The following GSE1 variants were observed in gnomAD, a reference collection of about 807,000 sequenced individuals.
GSE1 encodes the protein Gse1 coiled-coil protein, also known as genetic suppressor element 1.
A neutral mutation model predicts 112.6 loss-of-function variants in GSE1; 32 were observed. That is an observed-to-expected ratio of 0.28 (90% CI 0.21 to 0.38). The LOEUF (loss-of-function observed/expected upper bound fraction) is 0.38, where lower values mean the gene tolerates loss of function less well. Among genes scored for constraint, GSE1 ranks in the 10% least tolerant of loss-of-function variants. GSE1 has a pLI of 1.00. For missense variants in GSE1, 2,348 were observed against 1,699.2 expected, an observed-to-expected ratio of 1.38 and a Z score of -6.71; for synonymous variants, 1,115 against 735.6, an observed-to-expected ratio of 1.52 and a Z score of -8.35.
At chr16:85,624,265 C>T (rs1271689347) in intron 1 of GSE1, among the ~76,000 whole-genome samples, 4 of 152,210 alleles carry the variant, frequency 2.6e-5, no homozygotes, top group African/African-American at 7.2e-5. Flanking sequence ...TTCCTCTGCC[C>T]AGGGCCTCTG....
intron 13 of GSE1, among the ~76,000 whole-genome samples, chr16:85,667,402 C>T (rs778128088): frequency 2.0e-5 from 3 of 152,262 alleles, no homozygotes; most frequent in Non-Finnish European, 4.4e-5. Flanking sequence ...TGTCACCCAC[C>T]AGGCCACGCC....
At chr16:85,392,938 T>G (rs997984398) in intron 2 of GSE1, among the ~76,000 whole-genome samples, 1 of 152,240 alleles carries the variant, frequency 6.6e-6, no homozygotes, top group Non-Finnish European at 1.5e-5. Flanking sequence ...GGGGTCCCAA[T>G]GTGGCTGAGG....
chr16:85,554,247 A>C (rs1278314673), upstream of GSE1, among the ~76,000 whole-genome samples: 1 of 152,172 alleles, frequency 6.6e-6, no homozygotes. Context: ...GTTTGGCGGC[A>C]GGGTTTTTTC....
At chr16:85,541,535 C>A (rs933251954) in intron 2 of GSE1, among the ~76,000 whole-genome samples, 1 of 152,252 alleles carries the variant, frequency 6.6e-6, no homozygotes, top group African/African-American at 2.4e-5. Context: ...CACTGTCCCC[C>A]ACTTCTTGCC....
chr16:85,322,159 G>C (rs966282437), intron 1 of GSE1, among the ~76,000 whole-genome samples: 3 of 152,242 alleles, frequency 2.0e-5, no homozygotes, highest in Non-Finnish European at 4.4e-5. Flanking sequence ...TTGTTTCCAA[G>C]TTCAACATTC....
chr16:85,509,044 G>A lies in GSE1; in HGVS notation c.2465-124870G>A, dbSNP rs538618422. ...CAGCAGGGAGAGGGACTTGAACCAG[G>A]ACCTGAGGAAGAGGAGGGATCCAGG... On this transcript the variant is annotated intron_variant, in intron 2 of 2. Coordinates refer to the GSE1 transcript ENST00000637419. 3.3e-5 allele frequency among the ~76,000 whole-genome samples: 5 copies of A among 152,352 alleles called. No homozygotes were observed. In the South Asian group the frequency reaches 1.0e-3, roughly 32 times the overall value.
chr16:85,607,621 T>C (rs1046386869), upstream of GSE1, among the ~76,000 whole-genome samples: 6 of 152,110 alleles, frequency 3.9e-5, no homozygotes, highest in Non-Finnish European at 5.9e-5. Flanking sequence ...AGAGGTGACC[T>C]GGGCTACTGA....
At chr16:85,366,993 C>T (rs961323239) in intron 2 of GSE1, among the ~76,000 whole-genome samples, 14 of 152,092 alleles carry the variant, frequency 9.2e-5, no homozygotes, top group South Asian at 2.1e-4. Context: ...GGGACAGAGC[C>T]GTGTCACCAG....
intron 2 of GSE1, among the ~76,000 whole-genome samples, chr16:85,524,698 G>A (rs2052305814): frequency 6.6e-6 from 1 of 152,190 alleles, no homozygotes; most frequent in South Asian, 2.1e-4. Context: ...CTGAGGCCAG[G>A]CCTGTAATCA....
chr16:85,603,257 G>GA (rs890479990), intron 1 of GSE1, among the ~76,000 whole-genome samples: 45 of 152,344 alleles, frequency 3.0e-4, no homozygotes, highest in African/African-American at 1.1e-3. Context: ...GGTCCACAGA[G>GA]AGGGCACCGT....
chr16:85,619,592 C>T (rs1245338309), intron 1 of GSE1, among the ~76,000 whole-genome samples: 2 of 152,170 alleles, frequency 1.3e-5, no homozygotes, highest in African/African-American at 4.8e-5. Flanking sequence ...AGATGGTGTG[C>T]CGGCCAGGTC....
chr16:85,355,431 G>A (rs1597470957), intron 1 of GSE1, among the ~76,000 whole-genome samples: 2 of 152,274 alleles, frequency 1.3e-5, no homozygotes, highest in South Asian at 4.2e-4. Flanking sequence ...TGAAGCCTCT[G>A]GCCTGGGCTG....
chr16:85,309,400 A>G (rs1356793563), intron 1 of GSE1, among the ~76,000 whole-genome samples: 1 of 152,066 alleles, frequency 6.6e-6, no homozygotes, highest in African/African-American at 2.4e-5. Context: ...AGGCTGAGGC[A>G]GGAGGATCGC....
At chr16:85,262,752 G>A (rs1461519165) in intron 1 of GSE1, among the ~76,000 whole-genome samples, 1 of 152,208 alleles carries the variant, frequency 6.6e-6, no homozygotes, top group Non-Finnish European at 1.5e-5. Context: ...TTCCTCATCC[G>A]AAATTGGGTA....
intron 2 of GSE1, among the ~76,000 whole-genome samples, chr16:85,480,183 C>T (rs990829776): frequency 1.3e-5 from 2 of 152,226 alleles, no homozygotes; most frequent in African/African-American, 4.8e-5. Flanking sequence ...GCCTCAAGGG[C>T]CCCAGCCAGG....
At chr16:85,514,532 T>G (rs919471419) in intron 2 of GSE1, among the ~76,000 whole-genome samples, 13 of 150,594 alleles carry the variant, frequency 8.6e-5, no homozygotes, top group African/African-American at 2.7e-4. Context: ...CCCCCTTGCC[T>G]GGGAGAATGA....
chr16:85,393,168 C>T (rs573141153), intron 2 of GSE1, among the ~76,000 whole-genome samples: 10 of 152,306 alleles, frequency 6.6e-5, no homozygotes, highest in African/African-American at 2.4e-4. Flanking sequence ...CTTTGGGAGG[C>T]TGAAGTGGGA....
intron 2 of GSE1, among the ~76,000 whole-genome samples, chr16:85,403,791 G>C (rs569743733): frequency 6.6e-6 from 1 of 152,254 alleles, no homozygotes; most frequent in East Asian, 1.9e-4. Flanking sequence ...GACAGAGTGA[G>C]ACCCTGTCTC....
rs147758377 is a variant in GSE1 at position 85,200,637 on chromosome 16, C to G, written c.2283+28830C>G. Among the ~76,000 whole-genome samples, 7 of 152,300 alleles carry G rather than the reference C, an allele frequency of 4.6e-5. No individual in the cohort carries two copies. The East Asian group carries it at 1.4e-3, about 29-fold the overall frequency. On this transcript the variant is annotated intron_variant, in intron 1 of 2. Transcript: ENST00000637419. ...AGCATTCACTGACAATGAATCACCC[C>G]AAGAGGACATTGCCCTCTTTCGCCC...
Sources: allele counts gnomAD v4.1 joint callset (sites outside exome capture counted in the v4.1 genomes callset), GRCh38; gene constraint gnomAD v4.1.1; transcripts MANE v1.5; gene names NCBI Gene and HGNC (gene_info 2026-07-23, HGNC 2026-07-21).